Variants in BICC1 observed in about 807,000 individuals in gnomAD.
BICC1 encodes protein bicaudal C homolog 1.
Under a neutral mutation model 111.0 loss-of-function variants are expected in BICC1, and 43 were observed. The ratio of observed to expected loss-of-function variants is 0.39; its 90% CI spans 0.30 to 0.50. BICC1 has a LOEUF of 0.50. Ranked by LOEUF, BICC1 falls within the 20% of genes least tolerant of loss-of-function variation. The pLI is 0.88. For missense variants in BICC1, 1,091 were observed against 1,203.2 expected, an observed-to-expected ratio of 0.91 and a Z score of 1.38; for synonymous variants, 467 against 434.4, an observed-to-expected ratio of 1.07 and a Z score of -0.93.
intron 14 of BICC1, among the ~76,000 whole-genome samples, chr10:58,802,371 A>G (rs1026461842): frequency 6.6e-6 from 1 of 152,214 alleles, no homozygotes; most frequent in African/African-American, 2.4e-5. Flanking sequence ...AACAAATAAA[A>G]TCATGAATGA....
chr10:58,639,477 C>T (rs1272054421), intron 2 of BICC1, among the ~76,000 whole-genome samples: 3 of 150,602 alleles, frequency 2.0e-5, no homozygotes, highest in Non-Finnish European at 4.4e-5. Context: ...TCACTGCAAC[C>T]TCTGCCTCCT....
chr10:58,822,464 A>G, intron 20 of BICC1, among the ~76,000 whole-genome samples: 1 of 152,242 alleles, frequency 6.6e-6, no homozygotes, highest in East Asian at 1.9e-4. Context: ...ATTTTAAAAA[A>G]ATAATATTTT....
At chr10:58,556,244 C>G (rs1306278614) in intron 1 of BICC1, among the ~76,000 whole-genome samples, 2 of 152,044 alleles carry the variant, frequency 1.3e-5, no homozygotes, top group Non-Finnish European at 2.9e-5. Flanking sequence ...AAGGTAAATT[C>G]TACTCATTTG....
In BICC1 at chr10:58,747,718, A is replaced by C. The variant is rs1011990637; in HGVS notation, c.308-37283A>C. Among the ~76,000 whole-genome samples the C allele has an allele frequency of 3.9e-5, 6 of 152,160 alleles. No individual in the cohort carries two copies. The East Asian group carries it at 1.2e-3, about 29-fold the overall frequency. On this transcript the variant is annotated intron_variant, in intron 3 of 20. Transcript: ENST00000373886. ...TGCTCTTTCTAAAAATGGCTATTTG[A>C]AACCCTGTGTATAGCCTTTTGTCTG...
chr10:58,798,653 C>A, intron 11 of BICC1, 93 bp downstream of exon 11: 2 of 1,200,170 alleles, frequency 1.7e-6, no homozygotes, highest in Non-Finnish European at 2.3e-6. Context: ...TTTCTTAAGG[C>A]AAAATTAGGG....
chr10:58,545,104 A>C (rs1649068), intron 1 of BICC1, among the ~76,000 whole-genome samples: 70,433 of 152,000 alleles, frequency 0.46, 17,414 homozygotes, highest in Admixed American at 0.63. Flanking sequence ...CAATAAATTT[A>C]TATTGTTTAA....
chr10:58,811,748 ACAGAAC>A (rs1269833923), intron 17 of BICC1, among the ~76,000 whole-genome samples: 2 of 152,240 alleles, frequency 1.3e-5, no homozygotes, highest in African/African-American at 4.8e-5. Context: ...TACATATGAA[ACAGAAC>A]CACTTTAGAT....
At chr10:58,824,602 C>T (rs997340890) in intron 20 of BICC1, among the ~76,000 whole-genome samples, 2 of 152,084 alleles carry the variant, frequency 1.3e-5, no homozygotes, top group Non-Finnish European at 2.9e-5. Context: ...GAATCTGTGT[C>T]GTCAGCATTA....
At chr10:58,566,365 C>CAT (rs1196218806) in intron 1 of BICC1, among the ~76,000 whole-genome samples, 1 of 151,900 alleles carries the variant, frequency 6.6e-6, no homozygotes, top group African/African-American at 2.4e-5. Context: ...TATACACACA[C>CAT]ATATATGTAC....
intron 12 of BICC1, 32 bp downstream of exon 12, chr10:58,799,284 T>A (rs748206960): frequency 1.2e-5 from 18 of 1,524,734 alleles, no homozygotes; most frequent in Non-Finnish European, 1.6e-5. Flanking sequence ...GTGTGTGTGA[T>A]CTGTACTGTT....
chr10:58,607,556 G>T (rs898917312), intron 1 of BICC1, among the ~76,000 whole-genome samples: 3 of 148,166 alleles, frequency 2.0e-5, no homozygotes, highest in African/African-American at 2.5e-5. Flanking sequence ...GTCCCCCTTC[G>T]CCTTCTCCTC....
intron 3 of BICC1, among the ~76,000 whole-genome samples, chr10:58,717,985 C>T (rs1840802648): frequency 6.6e-6 from 1 of 152,186 alleles, no homozygotes; most frequent in South Asian, 2.1e-4. Flanking sequence ...TTGTCATATG[C>T]ACTTTCTTAA....
intron 2 of BICC1, among the ~76,000 whole-genome samples, chr10:58,632,226 T>C (rs1837814229): frequency 6.6e-6 from 1 of 152,226 alleles, no homozygotes; most frequent in South Asian, 2.1e-4. Flanking sequence ...GAAGAAGTAA[T>C]TTTAACTTTC....
chr10:58,637,468 T>C (rs1837984540), intron 2 of BICC1, among the ~76,000 whole-genome samples: 1 of 152,232 alleles, frequency 6.6e-6, no homozygotes, highest in Non-Finnish European at 1.5e-5. Context: ...GAGCTGCCAG[T>C]TCTCTCTGTG....
At chr10:58,796,141 C>A (rs887458434) in intron 9 of BICC1, among the ~76,000 whole-genome samples, 199 bp from the exon 10 acceptor site, 6 of 152,062 alleles carry the variant, frequency 3.9e-5, no homozygotes, top group African/African-American at 7.2e-5. Context: ...TAAATGGTAA[C>A]CAATAATTTA....
At chr10:58,586,774 A>G (rs1844445171) in intron 1 of BICC1, among the ~76,000 whole-genome samples, 2 of 152,194 alleles carry the variant, frequency 1.3e-5, no homozygotes, top group South Asian at 4.1e-4. Flanking sequence ...ATGCAGTTAC[A>G]TTCCCATAAA....
At chr10:58,763,531 C>T (rs1410878665) in intron 3 of BICC1, among the ~76,000 whole-genome samples, 1 of 152,112 alleles carries the variant, frequency 6.6e-6, no homozygotes, top group Non-Finnish European at 1.5e-5. Context: ...GATTGTGCCT[C>T]ACTGACCATT....
rs752277767 is a variant in BICC1, at chr10:58,786,908, A to G, written c.388-15A>G. 1.9e-6 allele frequency: 3 copies of G among 1,552,404 alleles called. No homozygotes were observed. Among genetic ancestry groups the G allele is most frequent in the Non-Finnish European group, 2.6e-6 (3 of 1,155,796 alleles). On this transcript the variant is annotated splice_polypyrimidine_tract_variant and intron_variant, in intron 4 of 20. Coordinates refer to ENST00000373886, the MANE Select transcript of BICC1 (RefSeq NM_001080512.3). ...TTTTGCATACATCAAGTAATAATAC[A>G]TTATTTTCACATAGAGCAATCGAGT...
chr10:58,657,140 A>T (rs1838682999), intron 2 of BICC1, among the ~76,000 whole-genome samples: 1 of 152,066 alleles, frequency 6.6e-6, no homozygotes, highest in African/African-American at 2.4e-5. Flanking sequence ...ATGCTCTCCT[A>T]CTATCCCTAC....
Sources: allele counts gnomAD v4.1 joint callset (sites outside exome capture counted in the v4.1 genomes callset), GRCh38; gene constraint gnomAD v4.1.1; transcripts MANE v1.5; gene names NCBI Gene and HGNC (gene_info 2026-07-23, HGNC 2026-07-21).